Variants in ZIC4 observed in about 807,000 individuals in gnomAD.
The protein encoded by ZIC4 is zinc finger protein ZIC 4.
Under a neutral mutation model 28.8 loss-of-function variants are expected in ZIC4, and 15 were observed. The observed-to-expected ratio is 0.52, with a 90% CI of 0.35 to 0.80. The LOEUF (loss-of-function observed/expected upper bound fraction) is 0.80, where lower values mean the gene tolerates loss of function less well. Ranked by LOEUF, ZIC4 falls within the 30% of genes least tolerant of loss-of-function variation. The pLI, the probability that ZIC4 is intolerant of heterozygous loss-of-function variation, is 0.01. For synonymous variants in ZIC4, 220 were observed against 198.1 expected (o/e 1.11, Z -0.93); for missense variants, 512 against 467.1 (o/e 1.10, Z -0.89).
At chr3:147,397,326 GTC>G (rs144173805) in intron 2 of ZIC4, 75 of 149,028 alleles carry the variant, frequency 5.0e-4, no homozygotes, top group East Asian at 5.9e-4. Flanking sequence ...CACGCGGTCG[GTC>G]TCTCTCTCTC....
At chr3:147,400,676 A>G (rs2087147067) in intron 2 of ZIC4, among the ~76,000 whole-genome samples, 1 of 152,234 alleles carries the variant, frequency 6.6e-6, no homozygotes, top group Non-Finnish European at 1.5e-5. Context: ...TTCAAGGTAT[A>G]TCTTTGAAAT....
Position 147,388,673 on chromosome 3 carries a change from T to C in ZIC4, c.*186A>G. 1.7e-6 allele frequency: 1 copy of C among 596,088 alleles called. No homozygotes were observed. Among genetic ancestry groups the C allele is most frequent in the Non-Finnish European group, 3.0e-6 (1 of 330,708 alleles). 36.9% of individuals were successfully genotyped at this position (596,088 alleles called of 1,614,324 possible). A position where few individuals can be genotyped will look rare whatever the true frequency, so the allele number is the denominator to read the frequency against. ...TCCTTAATGAAAAGCCTGGACGGGC[T>C]CCAGGCTTGGCCTTTCAGGATTTCA... On this transcript the variant is annotated 3_prime_UTR_variant, in exon 5 of 5. Transcript: ENST00000383075.
intron 2 of ZIC4, among the ~76,000 whole-genome samples, chr3:147,399,238 C>T (rs777747299): frequency 2.4e-4 from 36 of 152,296 alleles, no homozygotes; most frequent in Non-Finnish European, 4.9e-4. Context: ...TACTCCTCCA[C>T]CAACAGGCAC....
At position 147,393,689 on chromosome 3, in the gene ZIC4, C is replaced by T. The variant is rs147650283; in HGVS notation, c.688+2163G>A. On this transcript the variant is annotated intron_variant, in intron 3 of 4. Transcript: ENST00000383075. Reference sequence around the variant, plus strand: ...TCTGGTTGTCCCGGCGACTGCGCCCCGGCGCGGTCTCTTTTCCTCTACCTC... The same window carrying T: ...TCTGGTTGTCCCGGCGACTGCGCCCTGGCGCGGTCTCTTTTCCTCTACCTC... 7.2e-3 allele frequency: 2,082 copies of T among 289,372 alleles called. 19 individuals carry two copies. The highest frequency in any genetic ancestry group is 0.021 in the Middle Eastern group (15 of 728). The allele number at this position is 289,372 out of a possible 1,614,324, so 17.9% of individuals were successfully genotyped here.
intron 1 of ZIC4, among the ~76,000 whole-genome samples, chr3:147,405,007 C>T (rs1432128803): frequency 6.6e-6 from 1 of 152,244 alleles, no homozygotes; most frequent in Non-Finnish European, 1.5e-5. Context: ...AGAGAGGAAA[C>T]TGGCCCCGGC....
intron 1 of ZIC4, chr3:147,404,427 G>A (rs780695085): frequency 1.7e-4 from 74 of 442,564 alleles, no homozygotes; most frequent in Non-Finnish European, 2.0e-4. Flanking sequence ...AGGGAACTAG[G>A]GTAAACATCT....
chr3:147,393,621 G>T (rs904321071), intron 3 of ZIC4: 11 of 280,022 alleles, frequency 3.9e-5, no homozygotes, highest in South Asian at 3.4e-4. Flanking sequence ...TCGGAAGCTC[G>T]GGCTAGCTGG....
intron 3 of ZIC4, chr3:147,392,097 G>A (rs1163522518): frequency 3.0e-6 from 3 of 985,446 alleles, no homozygotes; most frequent in Admixed American, 6.2e-5. Context: ...TTGCGATGTC[G>A]ACCGGTCTGC....
At chr3:147,392,044 G>T in intron 3 of ZIC4, 4 of 985,492 alleles carry the variant, frequency 4.1e-6, no homozygotes, top group Non-Finnish European at 4.8e-6. Context: ...AGGCTTCCTG[G>T]AGACCGTGCT....
chr3:147,404,058 G>T, intron 1 of ZIC4: 5 of 1,537,180 alleles, frequency 3.3e-6, no homozygotes, highest in Non-Finnish European at 4.4e-6. Context: ...AATCAGGAAA[G>T]AAAGGAGGCC....
At chr3:147,397,235 G>A (rs898051551) in intron 2 of ZIC4, 3 of 152,166 alleles carry the variant, frequency 2.0e-5, no homozygotes, top group Admixed American at 6.5e-5. Flanking sequence ...GCCGTGGCCT[G>A]GACCCACAGA....
At chr3:147,392,098 A>G in intron 3 of ZIC4, 1 of 985,466 alleles carries the variant, frequency 1.0e-6, no homozygotes. Context: ...TGCGATGTCG[A>G]CCGGTCTGCC....
In ZIC4 at chr3:147,396,533, C is replaced by T; in HGVS notation, c.71-64G>A. 2.7e-6 allele frequency: 4 copies of T among 1,479,538 alleles called. No individual in the cohort carries two copies. The highest frequency in any genetic ancestry group is 2.7e-6 in the Non-Finnish European group (3 of 1,124,864). The allele number at this position is 1,479,538 out of a possible 1,614,324, so 91.7% of individuals were successfully genotyped here. On this transcript the variant is annotated intron_variant, in intron 2 of 4. Transcript: ENST00000383075. The surrounding 1 kb of genome is among the most constrained non-coding windows in gnomAD (Gnocchi z 4.2). ...CGTGGGCTGCGCGCTCTTCCCTGGG[C>T]CCCGGGGGGCAGGCCCAGCCCTGCC...
intron 2 of ZIC4, among the ~76,000 whole-genome samples, chr3:147,399,447 C>T (rs2087118923): frequency 6.6e-6 from 1 of 152,198 alleles, no homozygotes; most frequent in South Asian, 2.1e-4. Context: ...ATGTTTTTAC[C>T]TGAGACTCCT....
intron 1 of ZIC4, chr3:147,405,405 T>C (rs1471049511): frequency 6.5e-7 from 1 of 1,537,122 alleles, no homozygotes; most frequent in South Asian, 1.2e-5. Flanking sequence ...CTGAAGACGG[T>C]GACGGCCGAA....
rs1576465058 is a variant in ZIC4, at chr3:147,403,913, A to T, written c.-15-1101T>A. ...CTGGCTTGGCGGCTTTTACCCTTCC[A>T]TCTCCCCTCTTTTCTAGGTCCAGGC... On this transcript the variant is annotated intron_variant, in intron 1 of 4. Coordinates refer to ENST00000383075, the MANE Select transcript of ZIC4 (RefSeq NM_032153.6). 9 of 1,491,764 alleles carry T rather than the reference A, an allele frequency of 6.0e-6. No individual in the cohort carries two copies. In the Middle Eastern group the frequency reaches 5.3e-4, roughly 87 times the overall value. 92.4% of individuals were successfully genotyped at this position (1,491,764 alleles called of 1,614,324 possible).
chr3:147,395,535 G>A (rs183500634), intron 3 of ZIC4, among the ~76,000 whole-genome samples: 1 of 152,130 alleles, frequency 6.6e-6, no homozygotes, highest in Non-Finnish European at 1.5e-5. Context: ...TACGACTTTG[G>A]GGAACAATGC....
chr3:147,397,535 T>C (rs2087076332), intron 2 of ZIC4, among the ~76,000 whole-genome samples: 1 of 152,014 alleles, frequency 6.6e-6, no homozygotes, highest in Admixed American at 6.6e-5. Context: ...TGGATCAGCT[T>C]TGACTCAGGG....
rs750670064 is a variant in ZIC4, at chr3:147,396,244, C to T, written c.296G>A (p.Gly99Glu). The change falls in exon 3 of 5, where the codon GGG becomes GAG. Residue 99 changes from glycine (G) to glutamate (E), a missense_variant. By Grantham distance (98) the Gly-to-Glu change is moderately conservative (BLOSUM62 -2). Around this residue, in one of 3 missense-constraint regions of ZIC4, gnomAD observed 310 missense variants for 256.5 expected, o/e 1.21. Transcript: ENST00000383075. This position sits in a 1 kb window ranked among gnomAD's most constrained non-coding sequence, Gnocchi z 4.2. The part of the protein sequence containing the change: ...LAAAAALHGY[G>E]GMNLTVNLAA... Reference sequence around the variant, plus strand: ...GAGGTTCACCGTCAGGTTCATGCCCCCGTAGCCATGCAGGGCTGCGGCAGC... The same window carrying T: ...GAGGTTCACCGTCAGGTTCATGCCCTCGTAGCCATGCAGGGCTGCGGCAGC... 1.9e-6 allele frequency: 3 copies of T among 1,613,656 alleles called. No individual in the cohort carries two copies. The South Asian group carries it at 3.3e-5, about 18-fold the overall frequency.
Sources: gnomAD v4.1 joint callset for allele counts (sites outside exome capture counted in the v4.1 genomes callset) on GRCh38, gnomAD v4.1.1 for gene constraint, gnomAD v4.1.1 regional missense constraint, Gnocchi (gnomAD v3.1) non-coding constraint, MANE v1.5 for transcripts, NCBI Gene and HGNC (gene_info 2026-07-23, HGNC 2026-07-21) for gene names.